The following SPMAP2L variants were observed in gnomAD, a reference collection of about 807,000 sequenced individuals.
SPMAP2L encodes the protein sperm microtubule associated protein 2 like.
chr4:56,548,342 A>C, the SPMAP2L span, among the ~76,000 whole-genome samples: 50 of 152,072 alleles, frequency 3.3e-4, 1 homozygote, highest in East Asian at 8.7e-3. Context: ...TTGTCTATTT[A>C]ATTTTGACAC....
chr4:56,603,948 G>A, the SPMAP2L span, among the ~76,000 whole-genome samples: 1 of 152,136 alleles, frequency 6.6e-6, no homozygotes, highest in African/African-American at 2.4e-5. Context: ...GAGAGAAAAA[G>A]CTGTTTGGTA....
At chr4:56,616,014 A>T in the SPMAP2L span, among the ~76,000 whole-genome samples, 2 of 152,156 alleles carry the variant, frequency 1.3e-5, no homozygotes. Context: ...GATTTAGTAG[A>T]TCTGAATTGG....
the SPMAP2L span, among the ~76,000 whole-genome samples, chr4:56,568,870 G>A: frequency 0.73 from 110,493 of 152,114 alleles, 40,894 homozygotes; most frequent in African/African-American, 0.88. Context: ...GTTCCTATAA[G>A]TGTACTTATT....
At chr4:56,555,321 C>CTT in the SPMAP2L span, among the ~76,000 whole-genome samples, 6 of 151,912 alleles carry the variant, frequency 3.9e-5, no homozygotes, top group East Asian at 1.2e-3. Flanking sequence ...GTATTTTATC[C>CTT]CACTCATCTG....
the SPMAP2L span, chr4:56,594,918 A>G: frequency 6.2e-7 from 1 of 1,611,724 alleles, no homozygotes; most frequent in African/African-American, 1.3e-5. Flanking sequence ...AATCTTCACA[A>G]GACCTTCTGC....
the SPMAP2L span, among the ~76,000 whole-genome samples, chr4:56,541,557 T>C: frequency 6.6e-6 from 1 of 151,646 alleles, no homozygotes; most frequent in African/African-American, 2.4e-5. Context: ...AAATAGAGTA[T>C]GTTATAATAA....
chr4:56,563,021 T>G, the SPMAP2L span, among the ~76,000 whole-genome samples: 4 of 151,822 alleles, frequency 2.6e-5, no homozygotes, highest in Admixed American at 6.6e-5. Context: ...CTTTCATGAA[T>G]TTTTAATTAT....
At chr4:56,533,358 T>A in the SPMAP2L span, among the ~76,000 whole-genome samples, 1 of 152,204 alleles carries the variant, frequency 6.6e-6, no homozygotes, top group Non-Finnish European at 1.5e-5. Flanking sequence ...TCCTCCTCGC[T>A]CTTAGCTGAT....
chr4:56,590,594 G>A, the SPMAP2L span, among the ~76,000 whole-genome samples: 1 of 152,198 alleles, frequency 6.6e-6, no homozygotes, highest in Non-Finnish European at 1.5e-5. Flanking sequence ...CTCACAAACT[G>A]CTGATGTCAC....
chr4:56,592,836 A>T, the SPMAP2L span, among the ~76,000 whole-genome samples: 1 of 152,148 alleles, frequency 6.6e-6, no homozygotes, highest in Non-Finnish European at 1.5e-5. Flanking sequence ...CTGCCCAGAC[A>T]CGACGACTTC....
At chr4:56,533,083 AATT>A in the SPMAP2L span, among the ~76,000 whole-genome samples, 1 of 150,738 alleles carries the variant, frequency 6.6e-6, no homozygotes, top group Non-Finnish European at 1.5e-5. Flanking sequence ...CCAACAATGG[AATT>A]ACTCCCTTGA....
At chr4:56,615,671 C>T in the SPMAP2L span, among the ~76,000 whole-genome samples, 1 of 152,190 alleles carries the variant, frequency 6.6e-6, no homozygotes, top group Non-Finnish European at 1.5e-5. Context: ...TTGCTTGGAC[C>T]CAGAAGGCAG....
the SPMAP2L span, among the ~76,000 whole-genome samples, chr4:56,540,675 AAGAC>A: frequency 2.0e-5 from 3 of 152,132 alleles, no homozygotes; most frequent in Admixed American, 1.3e-4. Flanking sequence ...AAAGAAAAGA[AAGAC>A]AGCCAAAGCC....
At chr4:56,594,224 C>CAAGT in the SPMAP2L span, 3 of 1,607,582 alleles carry the variant, frequency 1.9e-6, no homozygotes, top group East Asian at 6.7e-5. Context: ...CCTCACCCAT[C>CAAGT]AAGTGTTCAA....
At chr4:56,611,976 A>G in the SPMAP2L span, among the ~76,000 whole-genome samples, 1 of 152,170 alleles carries the variant, frequency 6.6e-6, no homozygotes, top group Non-Finnish European at 1.5e-5. Flanking sequence ...TGTCAAATGC[A>G]AGTGTCTCCC....
At chr4:56,576,826 C>T in the SPMAP2L span, among the ~76,000 whole-genome samples, 1 of 152,174 alleles carries the variant, frequency 6.6e-6, no homozygotes, top group Non-Finnish European at 1.5e-5. Context: ...TTTATTGCCA[C>T]TTCTTGAGAC....
At chr4:56,546,873 T>C in the SPMAP2L span, among the ~76,000 whole-genome samples, 2 of 152,028 alleles carry the variant, frequency 1.3e-5, no homozygotes, top group Non-Finnish European at 2.9e-5. Flanking sequence ...GTGAGGGACA[T>C]TTTTGTAGAC....
the SPMAP2L span, among the ~76,000 whole-genome samples, chr4:56,609,912 A>G: frequency 1.3e-5 from 2 of 152,308 alleles, no homozygotes; most frequent in East Asian, 1.9e-4. Flanking sequence ...AGTTCATTGT[A>G]TTTTGTTAGA....
chr4:56,620,574 G>A, the SPMAP2L span, among the ~76,000 whole-genome samples: 1 of 152,082 alleles, frequency 6.6e-6, no homozygotes, highest in Non-Finnish European at 1.5e-5. Flanking sequence ...TAGTAGAGAC[G>A]GGGTTTCTCC....
Sources: gnomAD v4.1 joint callset for allele counts (sites outside exome capture counted in the v4.1 genomes callset) on GRCh38, gnomAD v4.1.1 for gene constraint, MANE v1.5 for transcripts, NCBI Gene and HGNC (gene_info 2026-07-23, HGNC 2026-07-21) for gene names.